Variants in POC1B observed in about 807,000 individuals in gnomAD.
POC1B encodes the protein POC1 centriolar protein homolog B.
Under a neutral mutation model 60.6 loss-of-function variants are expected in POC1B, and 44 were observed. The ratio of observed to expected loss-of-function variants is 0.73; its 90% CI spans 0.57 to 0.93. The LOEUF (loss-of-function observed/expected upper bound fraction) is 0.93. Ranked by LOEUF, POC1B falls within the 40% of genes least tolerant of loss-of-function variation. POC1B has a pLI of 0.00. For synonymous variants in POC1B, 180 were observed against 198.9 expected (o/e 0.90, Z 0.80); for missense variants, 555 against 572.3 (o/e 0.97, Z 0.31).
Position 89,470,509 on chromosome 12 carries a change from A to G in POC1B, c.677-15T>C. 6.4e-7 allele frequency: 1 copy of G among 1,571,920 alleles called. No individual in the cohort carries two copies. The stretch of plus-strand genomic sequence containing the variant: ...ACCGCTGTGAACTGATTTGTAGAAA[A>G]TAAAAGCAAAAAGTTCAGAGAACAA... On this transcript the variant is annotated splice_polypyrimidine_tract_variant and intron_variant, in intron 6 of 11. Transcript: ENST00000313546.
intron 2 of POC1B, among the ~76,000 whole-genome samples, chr12:89,511,346 G>A (rs1870177060): frequency 6.6e-6 from 1 of 151,072 alleles, no homozygotes; most frequent in East Asian, 2.0e-4. Flanking sequence ...ACTCCGGGAG[G>A]CAGAAGTTGC....
chr12:89,410,039 C>T, the POC1B span, among the ~76,000 whole-genome samples: 2 of 152,148 alleles, frequency 1.3e-5, no homozygotes, highest in African/African-American at 2.4e-5. Context: ...TGATGAACAT[C>T]GATGTGAAAA....
At chr12:89,524,658 T>C (rs1871257781) in intron 2 of POC1B, 1 of 1,174,968 alleles carries the variant, frequency 8.5e-7, no homozygotes, top group African/African-American at 1.5e-5. Flanking sequence ...GTTCTTCCTT[T>C]CATGCAGGCG....
chr12:89,482,260 G>T (rs1385077811), intron 4 of POC1B, among the ~76,000 whole-genome samples: 1 of 152,052 alleles, frequency 6.6e-6, no homozygotes. Flanking sequence ...TGAACTTGAG[G>T]ATAAGGCAAT....
At chr12:89,525,280 T>C (rs954460104) in intron 1 of POC1B, 76 bp from the exon 2 acceptor site, 2 of 1,518,292 alleles carry the variant, frequency 1.3e-6, no homozygotes, top group Admixed American at 4.1e-5. Context: ...ACGCTGCCAC[T>C]TCCCCGGAGT....
chr12:89,432,373 C>T (rs1230267585), intron 10 of POC1B, among the ~76,000 whole-genome samples: 1 of 101,864 alleles, frequency 9.8e-6, no homozygotes, highest in Non-Finnish European at 1.8e-5. Flanking sequence ...GGCAACGAGA[C>T]TCTGTTTCTT....
chr12:89,524,074 A>G, intron 2 of POC1B: 4 of 1,613,888 alleles, frequency 2.5e-6, no homozygotes, highest in South Asian at 1.1e-5. Flanking sequence ...AGAAGTTTCT[A>G]AAACACTGTG....
At chr12:89,496,121 T>C (rs1451956409) in intron 3 of POC1B, among the ~76,000 whole-genome samples, 1 of 152,014 alleles carries the variant, frequency 6.6e-6, no homozygotes, top group African/African-American at 2.4e-5. Flanking sequence ...CCTGAGCTTG[T>C]TTTTCTGCAA....
the POC1B span, among the ~76,000 whole-genome samples, chr12:89,410,678 C>CA: frequency 0.73 from 98,207 of 134,608 alleles, 36,218 homozygotes; most frequent in Non-Finnish European, 0.82. Flanking sequence ...GACTCCGTCT[C>CA]AAAAAAAAAA....
At chr12:89,517,773 C>T (rs1464625154) in intron 2 of POC1B, among the ~76,000 whole-genome samples, 1 of 152,252 alleles carries the variant, frequency 6.6e-6, no homozygotes, top group East Asian at 1.9e-4. Context: ...ATGAACTCTT[C>T]ATACCATCTT....
At chr12:89,405,990 T>C in the POC1B span, among the ~76,000 whole-genome samples, 3 of 140,556 alleles carry the variant, frequency 2.1e-5, no homozygotes, top group Non-Finnish European at 4.5e-5. Flanking sequence ...TTTTGAGTGT[T>C]TTTTTTTTTT....
At chr12:89,465,882 A>G (rs1183977725) in intron 9 of POC1B, among the ~76,000 whole-genome samples, 1 of 152,248 alleles carries the variant, frequency 6.6e-6, no homozygotes, top group African/African-American at 2.4e-5. Context: ...TAGATGCACA[A>G]CTGGAGACTA....
At chr12:89,519,713 G>C (rs1565760430) in intron 2 of POC1B, 1 of 152,416 alleles carries the variant, frequency 6.6e-6, no homozygotes, top group Non-Finnish European at 1.5e-5. Flanking sequence ...ATCTTATAAT[G>C]AATATGCAGG....
In POC1B at chr12:89,467,597, G is replaced by T; in HGVS notation, c.879+20C>A. ...CCTTTACCTTAACCAAATCAAAGAG[G>T]AGCTGAAAGATTTACAAACCTGTGT... is the stretch of plus-strand genomic sequence containing the variant. On this transcript the variant is annotated intron_variant, in intron 8 of 11. Transcript: ENST00000313546. 1.3e-6 allele frequency: 2 copies of T among 1,591,616 alleles called. No individual in the cohort carries two copies. Among genetic ancestry groups the T allele is most frequent in the Non-Finnish European group, 1.7e-6 (2 of 1,161,532 alleles).
chr12:89,422,951 A>G (rs547165529), intron 11 of POC1B, among the ~76,000 whole-genome samples: 1 of 152,324 alleles, frequency 6.6e-6, no homozygotes, highest in South Asian at 2.1e-4. Flanking sequence ...AATAATGGTG[A>G]TGCTGTTAAT....
At chr12:89,515,671 G>A (rs1341958548) in intron 2 of POC1B, among the ~76,000 whole-genome samples, 2 of 152,076 alleles carry the variant, frequency 1.3e-5, no homozygotes, top group Non-Finnish European at 2.9e-5. Flanking sequence ...CCATTCTGAG[G>A]ATCTTGTCAC....
intron 9 of POC1B, among the ~76,000 whole-genome samples, chr12:89,464,230 C>A (rs1039724238): frequency 6.6e-6 from 1 of 152,098 alleles, no homozygotes; most frequent in Non-Finnish European, 1.5e-5. Flanking sequence ...TTGAAAAAAA[C>A]TTAATCTACT....
chr12:89,443,404 T>C (rs11105289), intron 10 of POC1B, among the ~76,000 whole-genome samples: 29,335 of 152,040 alleles, frequency 0.19, 3,221 homozygotes, highest in South Asian at 0.36. Flanking sequence ...ACAAACTGTC[T>C]CTCAGACCAC....
intron 2 of POC1B, among the ~76,000 whole-genome samples, chr12:89,517,962 G>A (rs573693634): frequency 6.6e-6 from 1 of 152,146 alleles, no homozygotes; most frequent in Non-Finnish European, 1.5e-5. Context: ...CCAGACACCC[G>A]AAGACACTGC....
Sources: allele counts gnomAD v4.1 joint callset (sites outside exome capture counted in the v4.1 genomes callset), GRCh38; gene constraint gnomAD v4.1.1; transcripts MANE v1.5; gene names NCBI Gene and HGNC (gene_info 2026-07-23, HGNC 2026-07-21).